Variants in METTL8 observed in about 807,000 individuals in gnomAD.
The protein encoded by METTL8 is tRNA N(3)-cytidine methyltransferase METTL8, mitochondrial.
A neutral mutation model predicts 48.7 loss-of-function variants in METTL8; 32 were observed. The observed-to-expected ratio is 0.66, with a 90% CI of 0.50 to 0.88. The LOEUF is 0.88. Ranked by LOEUF, METTL8 falls within the 40% of genes least tolerant of loss-of-function variation. METTL8 has a pLI of 0.00. For synonymous variants in METTL8, 136 were observed against 157.1 expected, an observed-to-expected ratio of 0.87 and a Z score of 1.01; for missense variants, 464 against 474.4, an observed-to-expected ratio of 0.98 and a Z score of 0.20.
At chr2:171,419,696 T>C (rs1448510003) in intron 1 of METTL8, among the ~76,000 whole-genome samples, 3 of 152,134 alleles carry the variant, frequency 2.0e-5, no homozygotes, top group African/African-American at 7.2e-5. Flanking sequence ...TGTAATACAG[T>C]TAGATTATTT....
intron 2 of METTL8, among the ~76,000 whole-genome samples, chr2:171,390,078 A>C (rs922424044): frequency 6.6e-6 from 1 of 152,166 alleles, no homozygotes; most frequent in Admixed American, 6.5e-5. Flanking sequence ...TACTATTCCC[A>C]AAATCCTAGG....
chr2:171,352,200 C>T (rs1684013140), intron 3 of METTL8, among the ~76,000 whole-genome samples: 1 of 152,204 alleles, frequency 6.6e-6, no homozygotes, highest in Non-Finnish European at 1.5e-5. Flanking sequence ...AAGGCCTTTT[C>T]TGCATCCATT....
chr2:171,401,686 C>T (rs952337351), intron 1 of METTL8, among the ~76,000 whole-genome samples: 2 of 152,096 alleles, frequency 1.3e-5, no homozygotes, highest in East Asian at 1.9e-4. Flanking sequence ...TTTCTCTGGA[C>T]GTTGTCTCCA....
Position 171,324,350 on chromosome 2 carries a change from C to T in METTL8, c.1046G>A (p.Ser349Asn). 1 of 1,551,410 alleles carries T rather than the reference C, an allele frequency of 6.4e-7. No individual in the cohort carries two copies. Among genetic ancestry groups the T allele is most frequent in the Non-Finnish European group, 8.7e-7 (1 of 1,146,968 alleles). The change falls in exon 10 of 10, where the codon AGT (serine) becomes AAT (asparagine). Residue 349 changes from serine to asparagine, a missense_variant. Coordinates refer to ENST00000375258, the MANE Select transcript of METTL8 (RefSeq NM_001321154.2). ...AYFFTKGEVH[S>N]MFCKASLDEK... ...ATCTAAACTGGCTTTGCAGAACATA[C>T]TGTGGACTTCCCCTGTGAGACAAAA...
intron 7 of METTL8, 28 bp downstream of exon 7, chr2:171,330,531 T>A (rs138723702): frequency 6.2e-7 from 1 of 1,603,704 alleles, no homozygotes; most frequent in African/African-American, 1.3e-5. Context: ...GCTTTACACA[T>A]CCACTTTGCC....
intron 5 of METTL8, among the ~76,000 whole-genome samples, chr2:171,336,358 G>C (rs1354825552): frequency 6.9e-6 from 1 of 145,046 alleles, no homozygotes; most frequent in African/African-American, 2.5e-5. Context: ...GCCTCCCAAA[G>C]TGCTGGGATT....
chr2:171,381,102 C>G (rs112408837), intron 2 of METTL8, among the ~76,000 whole-genome samples: 2,343 of 152,204 alleles, frequency 0.015, 38 homozygotes, highest in Non-Finnish European at 0.021. Context: ...AGAAATAAGT[C>G]CACACATCTA....
chr2:171,422,462 T>C (rs1235290704), intron 1 of METTL8, among the ~76,000 whole-genome samples: 2 of 152,212 alleles, frequency 1.3e-5, no homozygotes, highest in East Asian at 3.8e-4. Flanking sequence ...ATTATAACCA[T>C]AAAAGGAAAT....
chr2:171,320,245 G>T lies in METTL8; in HGVS notation c.*3927C>A, dbSNP rs1684461164. On this transcript the variant is annotated 3_prime_UTR_variant, in exon 10 of 10. Transcript: ENST00000375258. ...CTGACCAGGCAAGCAGAAGACACTG[G>T]TGGAAATGGCCCTGCTGCGCAGCCA... 1 of 152,036 alleles carries T rather than the reference G, an allele frequency of 6.6e-6. No individual in the cohort carries two copies. The highest frequency in any genetic ancestry group is 3.4e-3 in the Middle Eastern group (1 of 294). The allele number at this position is 152,036 out of a possible 1,614,324, so 9.4% of individuals were successfully genotyped here. A position where few individuals can be genotyped will look rare whatever the true frequency, so the allele number is the denominator to read the frequency against.
At chr2:171,380,996 C>G (rs1687470316) in intron 2 of METTL8, among the ~76,000 whole-genome samples, 2 of 152,196 alleles carry the variant, frequency 1.3e-5, no homozygotes. Flanking sequence ...TGACTTCAAA[C>G]TATACTACAG....
chr2:171,335,763 G>A (rs1022442656), intron 5 of METTL8, among the ~76,000 whole-genome samples: 1 of 152,018 alleles, frequency 6.6e-6, no homozygotes, highest in Non-Finnish European at 1.5e-5. Context: ...AAGTTTAAAA[G>A]ATCACATCAT....
At chr2:171,403,262 A>T (rs1689822740) in intron 1 of METTL8, among the ~76,000 whole-genome samples, 1 of 152,164 alleles carries the variant, frequency 6.6e-6, no homozygotes, top group Non-Finnish European at 1.5e-5. Flanking sequence ...GAACAGTGAT[A>T]GTGCTGATAG....
chr2:171,346,029 G>T lies in METTL8; in HGVS notation c.236-6475C>A, dbSNP rs566495548. Among the ~76,000 whole-genome samples the T allele has an allele frequency of 1.9e-3, 282 of 151,380 alleles. 2 individuals carry two copies. The highest frequency in any genetic ancestry group is 6.7e-3 in the African/African-American group (277 of 41,444). ...GAGGGCCTGGATCTATAGTTTTTTT[G>T]TTTTTGTTTTTGTTTTTTGAGACAG... On this transcript the variant is annotated intron_variant, in intron 3 of 9. Transcript: ENST00000375258.
At chr2:171,360,142 G>A (rs1321575564) in intron 3 of METTL8, among the ~76,000 whole-genome samples, 1 of 152,128 alleles carries the variant, frequency 6.6e-6, no homozygotes, top group Non-Finnish European at 1.5e-5. Context: ...ATAGCAAGTG[G>A]AAAAGTTTAA....
chr2:171,350,681 T>A (rs535282613), intron 3 of METTL8, among the ~76,000 whole-genome samples: 1 of 152,224 alleles, frequency 6.6e-6, no homozygotes, highest in Non-Finnish European at 1.5e-5. Context: ...GGTATCTCAT[T>A]GTGGTTTTGA....
rs534406035 is a variant in METTL8 at position 171,339,416 on chromosome 2, G to A, written c.374C>T (p.Ala125Val). Residue 125 changes from alanine to valine, a missense_variant, in exon 4 of 10, where the codon GCG (alanine) becomes GTG (valine). By Grantham distance (64) the Ala-to-Val change is moderately conservative. Coordinates refer to ENST00000375258, the MANE Select transcript of METTL8 (RefSeq NM_001321154.2). The stretch of plus-strand genomic sequence containing the variant: ...TACATGATCCCATGATGATTCTCTC[G>A]CCTTCTCTTCAGGTTTTTGATCAAC... Reference protein sequence around the residue: ...LPVDQKPEEKARESSWDHVKT... With the variant: ...LPVDQKPEEKVRESSWDHVKT... 54 of 1,613,292 alleles carry A rather than the reference G, an allele frequency of 3.3e-5. No individual in the cohort carries two copies. The highest frequency in any genetic ancestry group is 1.3e-4 in the African/African-American group (10 of 74,944).
At chr2:171,353,710 C>T (rs188600328) in intron 3 of METTL8, among the ~76,000 whole-genome samples, 1 of 152,268 alleles carries the variant, frequency 6.6e-6, no homozygotes, top group East Asian at 1.9e-4. Context: ...CCTTTACCAT[C>T]ATGTAATGGC....
intron 2 of METTL8, among the ~76,000 whole-genome samples, chr2:171,386,973 C>T (rs1688116382): frequency 1.3e-5 from 2 of 152,106 alleles, no homozygotes; most frequent in African/African-American, 4.8e-5. Flanking sequence ...CCCAGTCCAC[C>T]TAGCGGTCCG....
chr2:171,389,792 A>C (rs1559159297), intron 2 of METTL8, among the ~76,000 whole-genome samples: 1 of 152,238 alleles, frequency 6.6e-6, no homozygotes, highest in Non-Finnish European at 1.5e-5. Flanking sequence ...TCTCCATAGC[A>C]TAAAAGTACA....
Sources: gnomAD v4.1 joint callset for allele counts (sites outside exome capture counted in the v4.1 genomes callset) on GRCh38, gnomAD v4.1.1 for gene constraint, MANE v1.5 for transcripts, NCBI Gene and HGNC (gene_info 2026-07-23, HGNC 2026-07-21) for gene names.